The following LARGE1 variants were observed in gnomAD, a reference collection of about 807,000 sequenced individuals.
LARGE1 encodes the protein xylosyl- and glucuronyltransferase LARGE1.
LARGE1 carries 43 observed loss-of-function variants against 87.6 expected under a neutral mutation model. That is an observed-to-expected ratio of 0.49 (90% CI 0.38 to 0.63). LARGE1 has a LOEUF of 0.63. Ranked by LOEUF, LARGE1 falls within the 30% of genes least tolerant of loss-of-function variation. The probability of loss-of-function intolerance (pLI) is 0.00; values close to 1 mark genes in which losing one functional copy is unlikely to be tolerated. For synonymous variants in LARGE1, 434 were observed against 394.6 expected (o/e 1.10, Z -1.18); for missense variants, 802 against 1,000.2 (o/e 0.80, Z 2.67).
chr22:33,583,927 C>T (rs991566086), intron 5 of LARGE1, among the ~76,000 whole-genome samples: 1 of 152,188 alleles, frequency 6.6e-6, no homozygotes, highest in African/African-American at 2.4e-5. Context: ...GACATACTGA[C>T]TATACTGATA....
chr22:33,887,608 G>GCGA (rs2064890958), intron 1 of LARGE1, among the ~76,000 whole-genome samples: 2 of 152,010 alleles, frequency 1.3e-5, no homozygotes, highest in Non-Finnish European at 2.9e-5. Flanking sequence ...GTGGTGGGTG[G>GCGA]GTGCCTGTAA....
At chr22:33,093,053 T>C in the LARGE1 span, among the ~76,000 whole-genome samples, 1 of 82,818 alleles carries the variant, frequency 1.2e-5, no homozygotes, top group African/African-American at 3.5e-5. Context: ...CGCCACACTG[T>C]CTTCCACAAT....
At chr22:33,412,298 T>C (rs191128023) in intron 7 of LARGE1, among the ~76,000 whole-genome samples, 1 of 151,466 alleles carries the variant, frequency 6.6e-6, no homozygotes, top group East Asian at 1.9e-4. Flanking sequence ...GTCATATATA[T>C]ATATATATTT....
At chr22:33,471,927 G>A (rs1159024093) in intron 6 of LARGE1, among the ~76,000 whole-genome samples, 1 of 152,098 alleles carries the variant, frequency 6.6e-6, no homozygotes, top group Non-Finnish European at 1.5e-5. Context: ...GCGGGTGCCT[G>A]TAATCCTAGC....
intron 6 of LARGE1, among the ~76,000 whole-genome samples, chr22:33,560,395 C>A (rs1265274079): frequency 6.6e-6 from 1 of 152,172 alleles, no homozygotes; most frequent in East Asian, 1.9e-4. Flanking sequence ...CCCATGTACG[C>A]TGGATAGTTT....
intron 6 of LARGE1, among the ~76,000 whole-genome samples, chr22:33,487,435 C>T (rs1451874143): frequency 6.6e-6 from 1 of 152,136 alleles, no homozygotes; most frequent in Non-Finnish European, 1.5e-5. Context: ...TGACAGCAGC[C>T]TAAGGTCCTT....
intron 11 of LARGE1, among the ~76,000 whole-genome samples, chr22:33,236,425 A>T (rs770270327): frequency 1.3e-5 from 2 of 152,136 alleles, no homozygotes; most frequent in African/African-American, 2.4e-5. Flanking sequence ...TTTCTTTGGA[A>T]ATTCATATGT....
chr22:33,712,920 C>T (rs2082779853), intron 2 of LARGE1, among the ~76,000 whole-genome samples: 1 of 152,080 alleles, frequency 6.6e-6, no homozygotes, highest in African/African-American at 2.4e-5. Flanking sequence ...AAGTATTTGT[C>T]AACGGTGAGG....
At chr22:33,393,374 A>C (rs2065600732) in intron 7 of LARGE1, among the ~76,000 whole-genome samples, 1 of 152,248 alleles carries the variant, frequency 6.6e-6, no homozygotes. Context: ...CAGAAACTAT[A>C]CATTTCCTCA....
At chr22:33,463,750 A>C (rs1036184885) in intron 6 of LARGE1, among the ~76,000 whole-genome samples, 11 of 152,088 alleles carry the variant, frequency 7.2e-5, no homozygotes, top group African/African-American at 2.7e-4. Context: ...TCGGCTCACC[A>C]TAACCTCCGC....
chr22:33,309,774 C>G (rs73166240), intron 11 of LARGE1, among the ~76,000 whole-genome samples: 8,124 of 152,114 alleles, frequency 0.053, 282 homozygotes, highest in African/African-American at 0.078. Flanking sequence ...TCAGCATGTT[C>G]GAGCAGGAAG....
chr22:33,683,507 T>G (rs2081844813), intron 2 of LARGE1, among the ~76,000 whole-genome samples: 1 of 152,134 alleles, frequency 6.6e-6, no homozygotes, highest in African/African-American at 2.4e-5. Context: ...ATAAATCTCT[T>G]TATATATTAT....
At chr22:33,734,247 G>A (rs370922236) in intron 2 of LARGE1, among the ~76,000 whole-genome samples, 1 of 152,212 alleles carries the variant, frequency 6.6e-6, no homozygotes, top group African/African-American at 2.4e-5. Context: ...ATAAGGTCAC[G>A]TTCACAGGCA....
At chr22:33,914,049 C>T (rs1035108682) in intron 1 of LARGE1, among the ~76,000 whole-genome samples, 1 of 152,096 alleles carries the variant, frequency 6.6e-6, no homozygotes, top group East Asian at 1.9e-4. Flanking sequence ...ATTTTATATG[C>T]CCACTTCTCC....
chr22:33,601,227 C>T (rs2079105222), intron 5 of LARGE1, among the ~76,000 whole-genome samples: 1 of 152,160 alleles, frequency 6.6e-6, no homozygotes. Flanking sequence ...GAGAGGTGAG[C>T]AGTGGAAGGA....
intron 5 of LARGE1, among the ~76,000 whole-genome samples, chr22:33,593,618 T>C (rs891181335): frequency 7.9e-5 from 12 of 152,198 alleles, no homozygotes; most frequent in African/African-American, 2.7e-4. Flanking sequence ...TCAACAACCA[T>C]ATGTGTTACT....
chr22:33,803,550 G>T (rs1169521096), intron 1 of LARGE1, among the ~76,000 whole-genome samples: 1 of 152,186 alleles, frequency 6.6e-6, no homozygotes, highest in Non-Finnish European at 1.5e-5. Context: ...TCAGCATGTA[G>T]ATGTGGCTAT....
At chr22:33,837,255 T>TACACACACACACAC in intron 1 of LARGE1, among the ~76,000 whole-genome samples, 1 of 84,610 alleles carries the variant, frequency 1.2e-5, no homozygotes, top group Admixed American at 1.3e-4. Flanking sequence ...GAGTATTACA[T>TACACACACACACAC]ATACACACAC....
At chr22:33,478,525 G>C (rs1488345691) in intron 6 of LARGE1, among the ~76,000 whole-genome samples, 1 of 152,256 alleles carries the variant, frequency 6.6e-6, no homozygotes, top group Non-Finnish European at 1.5e-5. Context: ...CCTCCATGCT[G>C]CTTTCCTAAC....
Sources: gnomAD v4.1 joint callset for allele counts (sites outside exome capture counted in the v4.1 genomes callset) on GRCh38, gnomAD v4.1.1 for gene constraint, MANE v1.5 for transcripts, NCBI Gene and HGNC (gene_info 2026-07-23, HGNC 2026-07-21) for gene names.